S100Z: variants seen among roughly 807,000 people sequenced by gnomAD.
The protein encoded by S100Z is protein S100-Z.
A neutral mutation model predicts 8.5 loss-of-function variants in S100Z; 11 were observed. The ratio of observed to expected loss-of-function variants is 1.30; its 90% confidence interval spans 0.82 to 2.15. S100Z has a LOEUF of 2.15. Among genes scored for constraint, S100Z ranks in the 30% most tolerant of loss-of-function variants. The pLI is 0.00. For synonymous variants in S100Z, 34 were observed against 43.8 expected (o/e 0.78, Z 0.89); for missense variants, 126 against 117.9 (o/e 1.07, Z -0.32).
chr5:76,931,230 C>T, the S100Z span, among the ~76,000 whole-genome samples: 18 of 152,224 alleles, frequency 1.2e-4, no homozygotes, highest in South Asian at 3.7e-3. Context: ...CCTCAGCCTC[C>T]CGAGTAGCTG....
At chr5:76,899,458 T>A (rs758977118) in intron 4 of S100Z, among the ~76,000 whole-genome samples, 12 of 151,854 alleles carry the variant, frequency 7.9e-5, no homozygotes, top group Non-Finnish European at 1.6e-4. Context: ...TCTAGTGAAG[T>A]GATTTTCTCT....
chr5:76,928,328 T>C, the S100Z span, among the ~76,000 whole-genome samples: 2 of 152,246 alleles, frequency 1.3e-5, no homozygotes, highest in Non-Finnish European at 2.9e-5. Flanking sequence ...GTTTGCTTCC[T>C]GAATAATCTT....
At chr5:76,916,095 A>G (rs981839215) in intron 4 of S100Z, among the ~76,000 whole-genome samples, 11 of 146,260 alleles carry the variant, frequency 7.5e-5, no homozygotes, top group Non-Finnish European at 1.2e-4. Context: ...CAGGAGGTGG[A>G]GGTTGCAGTG....
At chr5:76,901,101 G>A (rs544780653) in intron 4 of S100Z, among the ~76,000 whole-genome samples, 1 of 152,208 alleles carries the variant, frequency 6.6e-6, no homozygotes, top group South Asian at 2.1e-4. Flanking sequence ...TCTGTTCTGA[G>A]CCACCTACAG....
intron 1 of S100Z, among the ~76,000 whole-genome samples, chr5:76,862,738 G>T (rs1274627975): frequency 6.6e-6 from 1 of 152,078 alleles, no homozygotes; most frequent in Non-Finnish European, 1.5e-5. Flanking sequence ...GGAGTCGGAG[G>T]TTGCAGTGAG....
intron 4 of S100Z, among the ~76,000 whole-genome samples, chr5:76,883,225 C>G (rs1322734915): frequency 2.0e-5 from 3 of 151,868 alleles, no homozygotes; most frequent in African/African-American, 7.3e-5. Context: ...GTATCCCATA[C>G]TTGTGGGTTA....
chr5:76,889,168 G>T (rs1261264129), intron 4 of S100Z, among the ~76,000 whole-genome samples: 1 of 152,056 alleles, frequency 6.6e-6, no homozygotes, highest in African/African-American at 2.4e-5. Context: ...CTCGGCTTTG[G>T]AGCCCCCTTC....
chr5:76,903,582 G>A (rs969082745), intron 4 of S100Z, among the ~76,000 whole-genome samples: 27 of 152,226 alleles, frequency 1.8e-4, no homozygotes, highest in African/African-American at 4.8e-4. Context: ...TTGCTGGGTA[G>A]TATGGTATCA....
intron 4 of S100Z, among the ~76,000 whole-genome samples, chr5:76,893,645 G>A (rs1372822944): frequency 6.6e-6 from 1 of 152,098 alleles, no homozygotes; most frequent in Non-Finnish European, 1.5e-5. Context: ...GGGAAACTGT[G>A]GGAATTGCTC....
chr5:76,947,983 CA>C, the S100Z span, among the ~76,000 whole-genome samples: 1 of 152,108 alleles, frequency 6.6e-6, no homozygotes, highest in Admixed American at 6.6e-5. Context: ...ACCATAAGCA[CA>C]GGCAACAAAA....
intron 4 of S100Z, among the ~76,000 whole-genome samples, chr5:76,880,007 C>T (rs1186702244): frequency 1.3e-5 from 2 of 152,130 alleles, no homozygotes; most frequent in Non-Finnish European, 2.9e-5. Context: ...AGAGAGTCAG[C>T]AAAGGGTGGC....
At chr5:76,933,460 G>C in the S100Z span, among the ~76,000 whole-genome samples, 1 of 152,162 alleles carries the variant, frequency 6.6e-6, no homozygotes, top group Non-Finnish European at 1.5e-5. Context: ...TCTCTGACCT[G>C]GTCGACATAA....
chr5:76,862,124 A>AGTGTGTGTGTGTGTGTGTGT (rs374825870), intron 1 of S100Z, among the ~76,000 whole-genome samples: 1 of 138,426 alleles, frequency 7.2e-6, no homozygotes, highest in Non-Finnish European at 1.6e-5. Context: ...AGGGATAAGG[A>AGTGTGTGTGTGTGTGTGTGT]GTGTGCGTGT....
intron 4 of S100Z, among the ~76,000 whole-genome samples, chr5:76,888,367 ATTTTTTTT>A (rs1171043164): frequency 1.5e-4 from 7 of 45,442 alleles, no homozygotes; most frequent in Admixed American, 3.4e-4. Context: ...AAGTGCTGGT[ATTTTTTTT>A]TTTTTTTTTT....
chr5:76,861,181 G>A (rs1751044748), intron 1 of S100Z, among the ~76,000 whole-genome samples: 1 of 152,168 alleles, frequency 6.6e-6, no homozygotes, highest in Non-Finnish European at 1.5e-5. Flanking sequence ...CACTCCTAAG[G>A]TGGTTCATTG....
intron 1 of S100Z, among the ~76,000 whole-genome samples, chr5:76,855,338 C>A (rs1020269250): frequency 1.3e-5 from 2 of 152,192 alleles, no homozygotes; most frequent in Non-Finnish European, 2.9e-5. Flanking sequence ...TGCAGGCACT[C>A]AATGCCAGCC....
chr5:76,865,443 C>T (rs1751239558), intron 1 of S100Z, among the ~76,000 whole-genome samples: 2 of 151,218 alleles, frequency 1.3e-5, no homozygotes, highest in African/African-American at 4.9e-5. Flanking sequence ...GACAGGATTT[C>T]ACCATGTTGG....
downstream of S100Z, among the ~76,000 whole-genome samples, chr5:76,924,839 G>T (rs879600919): frequency 6.6e-6 from 1 of 152,120 alleles, no homozygotes; most frequent in Non-Finnish European, 1.5e-5. Flanking sequence ...CTTGAACGCG[G>T]GAGGTGGAGA....
chr5:76,925,943 G>A (rs1745130800), downstream of S100Z, among the ~76,000 whole-genome samples: 1 of 152,042 alleles, frequency 6.6e-6, no homozygotes, highest in African/African-American at 2.4e-5. Context: ...TTCCAGCCTG[G>A]GTGACAGAGT....
Sources: allele counts gnomAD v4.1 joint callset (sites outside exome capture counted in the v4.1 genomes callset), GRCh38; gene constraint gnomAD v4.1.1; transcripts MANE v1.5; gene names NCBI Gene and HGNC (gene_info 2026-07-23, HGNC 2026-07-21).